Variants in THSD4 observed in about 807,000 individuals in gnomAD.
The protein encoded by THSD4 is thrombospondin type-1 domain-containing protein 4.
THSD4 carries 69 observed loss-of-function variants against 119.0 expected under a neutral mutation model. That is an observed-to-expected ratio of 0.58 (90% CI 0.48 to 0.71). THSD4 has a LOEUF of 0.71. Among genes scored for constraint, THSD4 ranks in the 30% least tolerant of loss-of-function variants. The pLI, the probability that THSD4 is intolerant of heterozygous loss-of-function variation, is 0.00. For missense variants in THSD4, 1,393 were observed against 1,391.1 expected (o/e 1.00, Z -0.02); for synonymous variants, 524 against 540.4 (o/e 0.97, Z 0.42).
chr15:71,587,782 AAAATTAAAAAAAAAAAAG>A (rs1441821384), intron 7 of THSD4, among the ~76,000 whole-genome samples: 1 of 16,524 alleles, frequency 6.1e-5, no homozygotes, highest in East Asian at 9.8e-3. Context: ...ATAAAAAAAA[AAAATTAAAAAAAAAAAAG>A]AAAAAAAAAA....
intron 7 of THSD4, among the ~76,000 whole-genome samples, chr15:71,631,443 G>A (rs1338551444): frequency 6.6e-6 from 1 of 152,178 alleles, no homozygotes; most frequent in Non-Finnish European, 1.5e-5. Flanking sequence ...AAGTCTCTGT[G>A]TTTGCTCTTT....
At chr15:71,362,790 A>G (rs1017105673) in intron 6 of THSD4, among the ~76,000 whole-genome samples, 5 of 151,954 alleles carry the variant, frequency 3.3e-5, no homozygotes, top group African/African-American at 9.7e-5. Flanking sequence ...CTCCCTCCAC[A>G]CATATGGAGA....
chr15:71,460,305 G>GTTTTTTT (rs563476190), intron 7 of THSD4, among the ~76,000 whole-genome samples: 2 of 122,580 alleles, frequency 1.6e-5, no homozygotes, highest in South Asian at 2.7e-4. Flanking sequence ...AAGTTGCCTG[G>GTTTTTTT]TTTTTTTTTT....
At chr15:71,352,452 G>A (rs1596359411) in intron 6 of THSD4, among the ~76,000 whole-genome samples, 2 of 152,288 alleles carry the variant, frequency 1.3e-5, no homozygotes, top group African/African-American at 2.4e-5. Context: ...CACGGTCATG[G>A]CCCCATAACC....
At chr15:71,285,473 C>A (rs1031708145) in intron 6 of THSD4, among the ~76,000 whole-genome samples, 1 of 152,180 alleles carries the variant, frequency 6.6e-6, no homozygotes, top group Non-Finnish European at 1.5e-5. Context: ...TAAAGTGTTT[C>A]TGAAACTAAC....
chr15:71,413,093 C>A (rs752393954), intron 7 of THSD4, among the ~76,000 whole-genome samples: 1 of 152,152 alleles, frequency 6.6e-6, no homozygotes, highest in Admixed American at 6.5e-5. Context: ...CTCACTGCAA[C>A]CTCTGCCTCC....
At chr15:71,133,240 G>A (rs2040519639) in intron 1 of THSD4, among the ~76,000 whole-genome samples, 1 of 152,148 alleles carries the variant, frequency 6.6e-6, no homozygotes, top group Admixed American at 6.5e-5. Flanking sequence ...TTATTTGTGT[G>A]TTGTGGTCTT....
chr15:71,633,567 G>A (rs1309945464), intron 7 of THSD4, among the ~76,000 whole-genome samples: 1 of 152,158 alleles, frequency 6.6e-6, no homozygotes. Flanking sequence ...AAGCCACTGT[G>A]CCCTGCTGAA....
intron 7 of THSD4, among the ~76,000 whole-genome samples, chr15:71,568,896 A>G (rs532936829): frequency 1.3e-5 from 2 of 152,182 alleles, no homozygotes; most frequent in African/African-American, 2.4e-5. Flanking sequence ...TTTAAGAACA[A>G]TCTTTAAAAT....
chr15:71,525,851 C>T (rs1307668418), intron 7 of THSD4, among the ~76,000 whole-genome samples: 4 of 152,146 alleles, frequency 2.6e-5, no homozygotes, highest in African/African-American at 9.7e-5. Flanking sequence ...CTTAGCATCC[C>T]CAGCTACAGA....
At chr15:71,149,093 C>T (rs1437329487) in intron 2 of THSD4, among the ~76,000 whole-genome samples, 3 of 149,400 alleles carry the variant, frequency 2.0e-5, no homozygotes, top group Non-Finnish European at 4.4e-5. Context: ...GGCTGGAGTG[C>T]AGTGGTGCGA....
chr15:71,112,232 A>G, upstream of THSD4: 1 of 1,611,122 alleles, frequency 6.2e-7, no homozygotes, highest in Non-Finnish European at 8.5e-7. Flanking sequence ...CAGAGGGCTG[A>G]TCAGTGAGGT....
At chr15:71,747,072 C>A in intron 13 of THSD4, 30 bp downstream of exon 13, 1 of 1,565,714 alleles carries the variant, frequency 6.4e-7, no homozygotes, top group East Asian at 2.3e-5. Flanking sequence ...CGCTCTGCAG[C>A]TCCCTCTCCA....
rs927725824 is a variant in THSD4 at position 71,677,411 on chromosome 15, G to A, written c.1357+16677G>A. Among the ~76,000 whole-genome samples the A allele has an allele frequency of 2.6e-5, 4 of 152,290 alleles. No homozygotes were observed. In the South Asian group the frequency reaches 6.2e-4, roughly 24 times the overall value. ...CAGAACCAAATATTCACAAAACAAA[G>A]ATTCCATGCCAAAGAGACTGTGCCC... is the stretch of plus-strand genomic sequence containing the variant. On this transcript the variant is annotated intron_variant, in intron 8 of 17. Transcript: ENST00000261862.
At chr15:71,326,694 AAAAAAAATATATATAT>A (rs1313933724) in intron 6 of THSD4, among the ~76,000 whole-genome samples, 3 of 12,414 alleles carry the variant, frequency 2.4e-4, no homozygotes, top group Admixed American at 1.5e-3. Context: ...AAAAAAAAAA[AAAAAAAATATATATAT>A]ATATATATAT....
chr15:71,297,469 G>A (rs1286794308), intron 6 of THSD4, among the ~76,000 whole-genome samples: 3 of 152,056 alleles, frequency 2.0e-5, no homozygotes, highest in Admixed American at 6.6e-5. Flanking sequence ...CTGAGTAGCT[G>A]GGATTACAGG....
intron 7 of THSD4, among the ~76,000 whole-genome samples, chr15:71,414,233 G>A (rs903511734): frequency 2.0e-5 from 3 of 152,206 alleles, no homozygotes; most frequent in African/African-American, 4.8e-5. Flanking sequence ...ACAGGGTTTG[G>A]CATTCAGTAA....
chr15:71,202,268 G>T (rs2043810113), intron 3 of THSD4, among the ~76,000 whole-genome samples: 1 of 152,132 alleles, frequency 6.6e-6, no homozygotes, highest in Non-Finnish European at 1.5e-5. Context: ...GCTGAGGCCT[G>T]TTTACCTTTC....
intron 8 of THSD4, among the ~76,000 whole-genome samples, chr15:71,693,712 C>T (rs779319677): frequency 2.0e-5 from 3 of 152,076 alleles, no homozygotes; most frequent in South Asian, 2.1e-4. Flanking sequence ...ATCATGGAGG[C>T]GGTTTCCCCT....
Sources: allele counts gnomAD v4.1 joint callset (sites outside exome capture counted in the v4.1 genomes callset), GRCh38; gene constraint gnomAD v4.1.1; transcripts MANE v1.5; gene names NCBI Gene and HGNC (gene_info 2026-07-23, HGNC 2026-07-21).